STX8: variants seen among roughly 807,000 people sequenced by gnomAD.
The protein encoded by STX8 is syntaxin-8.
Under a neutral mutation model 37.5 loss-of-function variants are expected in STX8, and 23 were observed. The ratio of observed to expected loss-of-function variants is 0.61; its 90% CI spans 0.44 to 0.87. The LOEUF (loss-of-function observed/expected upper bound fraction) is 0.87. Ranked by LOEUF, STX8 falls within the 40% of genes least tolerant of loss-of-function variation. The pLI is 0.00. For missense variants in STX8, 313 were observed against 284.7 expected (o/e 1.10, Z -0.71); for synonymous variants, 115 against 99.1 (o/e 1.16, Z -0.95).
At chr17:9,523,569 C>A (rs780539584) in intron 4 of STX8, among the ~76,000 whole-genome samples, 1 of 152,142 alleles carries the variant, frequency 6.6e-6, no homozygotes, top group African/African-American at 2.4e-5. Flanking sequence ...TATGATAAAT[C>A]CGTTGAGTGT....
chr17:9,391,892 T>C (rs1441050152), intron 6 of STX8, among the ~76,000 whole-genome samples: 2 of 152,116 alleles, frequency 1.3e-5, no homozygotes, highest in Non-Finnish European at 2.9e-5. Flanking sequence ...CTTAAAGTTG[T>C]TCATGAAGTC....
chr17:9,570,514 A>T (rs2151919654), intron 1 of STX8, among the ~76,000 whole-genome samples: 1 of 152,148 alleles, frequency 6.6e-6, no homozygotes, highest in African/African-American at 2.4e-5. Flanking sequence ...ATATATTCGT[A>T]TATGTCACAT....
intron 4 of STX8, among the ~76,000 whole-genome samples, chr17:9,510,410 T>C: frequency 6.6e-6 from 1 of 152,146 alleles, no homozygotes; most frequent in South Asian, 2.1e-4. Flanking sequence ...TTTTAGAAAT[T>C]GAAATCATAC....
intron 7 of STX8, among the ~76,000 whole-genome samples, chr17:9,293,413 A>C (rs1908390760): frequency 6.6e-6 from 1 of 152,092 alleles, no homozygotes; most frequent in African/African-American, 2.4e-5. Context: ...TGGGGAAGTC[A>C]TCCCCTACCT....
At chr17:9,403,715 C>T (rs1341170981) in intron 6 of STX8, among the ~76,000 whole-genome samples, 1 of 151,908 alleles carries the variant, frequency 6.6e-6, no homozygotes, top group Non-Finnish European at 1.5e-5. Context: ...GGCACGATCT[C>T]GGCTCACTGC....
chr17:9,379,555 C>T (rs1310314837), intron 6 of STX8, among the ~76,000 whole-genome samples: 1 of 152,164 alleles, frequency 6.6e-6, no homozygotes, highest in East Asian at 1.9e-4. Flanking sequence ...CGCAACGAGG[C>T]ATATCGAGCA....
intron 7 of STX8, among the ~76,000 whole-genome samples, chr17:9,358,376 C>A (rs1910951305): frequency 6.6e-6 from 1 of 152,064 alleles, no homozygotes; most frequent in South Asian, 2.1e-4. Flanking sequence ...AAAAAAAGGT[C>A]TTCAATTTTG....
chr17:9,467,774 C>A (rs1275237492), intron 6 of STX8, among the ~76,000 whole-genome samples: 1 of 152,160 alleles, frequency 6.6e-6, no homozygotes, highest in Non-Finnish European at 1.5e-5. Context: ...GGCAGGGGAC[C>A]AAGGTTGCCT....
chr17:9,544,424 T>G (rs1480786371), intron 4 of STX8, among the ~76,000 whole-genome samples: 1 of 151,862 alleles, frequency 6.6e-6, no homozygotes, highest in African/African-American at 2.4e-5. Flanking sequence ...TGGCGAAGAA[T>G]GGGGAGGAGG....
At position 9,352,533 on chromosome 17, in the gene STX8, T is replaced by G. The variant is rs971379075; in HGVS notation, c.643+26019A>C. 1.7e-4 allele frequency among the ~76,000 whole-genome samples: 24 copies of G among 138,318 alleles called. No homozygotes were observed. The Admixed American group carries it at 1.9e-3, about 11-fold the overall frequency. The allele number at this position is 138,318 out of a possible 152,430, so 90.7% of individuals were successfully genotyped here. A position where few individuals can be genotyped will look rare whatever the true frequency, so the allele number is the denominator to read the frequency against. On this transcript the variant is annotated intron_variant, in intron 7 of 7. Coordinates refer to ENST00000306357, the MANE Select transcript of STX8 (RefSeq NM_004853.3). ...CCCAGGCGGGAGTGCAGTGGCGCAATCTCGGCTCACTGCAAGCTCCGCCTC... is the reference window on the plus strand; with the variant it reads ...CCCAGGCGGGAGTGCAGTGGCGCAAGCTCGGCTCACTGCAAGCTCCGCCTC...
intron 2 of STX8, among the ~76,000 whole-genome samples, chr17:9,560,765 G>T (rs1907203081): frequency 6.7e-6 from 1 of 149,208 alleles, no homozygotes. Flanking sequence ...TTTTTTAAAT[G>T]AAGTTTTAGA....
chr17:9,271,733 A>T (rs1907469645), intron 7 of STX8, among the ~76,000 whole-genome samples: 1 of 147,878 alleles, frequency 6.8e-6, no homozygotes, highest in South Asian at 2.2e-4. Flanking sequence ...CTGGCTATAG[A>T]GCAAGACTCC....
At chr17:9,538,412 T>C (rs1906146346) in intron 4 of STX8, among the ~76,000 whole-genome samples, 2 of 152,224 alleles carry the variant, frequency 1.3e-5, no homozygotes, top group African/African-American at 4.8e-5. Flanking sequence ...ATCATCCTTC[T>C]TGTAAATCAA....
At chr17:9,326,431 G>A (rs1053489692) in intron 7 of STX8, among the ~76,000 whole-genome samples, 5 of 152,086 alleles carry the variant, frequency 3.3e-5, no homozygotes, top group Non-Finnish European at 5.9e-5. Context: ...TTCCTTCCCT[G>A]TTTTCTAGCC....
chr17:9,278,845 C>T (rs1446955302), intron 7 of STX8, among the ~76,000 whole-genome samples: 1 of 151,844 alleles, frequency 6.6e-6, no homozygotes, highest in Non-Finnish European at 1.5e-5. Flanking sequence ...AAGACTTGGG[C>T]CCAGAGCTGC....
chr17:9,318,179 T>G (rs528232121), intron 7 of STX8, among the ~76,000 whole-genome samples: 1 of 152,204 alleles, frequency 6.6e-6, no homozygotes, highest in African/African-American at 2.4e-5. Context: ...CGTGCAGGTA[T>G]GTTACATAGG....
Position 9,340,016 on chromosome 17 carries a change from GA to G in STX8, c.643+38535del, listed in dbSNP as rs566070590. Among the ~76,000 whole-genome samples the G allele has an allele frequency of 3.5e-4, 53 of 152,324 alleles. 1 individual carries two copies. In the East Asian group the frequency reaches 9.2e-3, roughly 27 times the overall value. ...AACTTGAAGGTAGGACTCTAAGGCTGACGCAACCGCGGGATCCTCCCATAGC... is the reference window on the plus strand; with the variant it reads ...AACTTGAAGGTAGGACTCTAAGGCTGCGCAACCGCGGGATCCTCCCATAGC... On this transcript the variant is annotated intron_variant, in intron 7 of 7. Transcript: ENST00000306357.
At chr17:9,458,368 G>A (rs376071986) in intron 6 of STX8, among the ~76,000 whole-genome samples, 1 of 152,196 alleles carries the variant, frequency 6.6e-6, no homozygotes, top group African/African-American at 2.4e-5. Context: ...CCAGGATGGT[G>A]TCGATCTCCT....
rs1389026401 is a variant in STX8, at chr17:9,557,662, C to G, written c.118-134G>C. 5.5e-6 allele frequency: 4 copies of G among 728,434 alleles called. No individual in the cohort carries two copies. In the African/African-American group the frequency reaches 7.0e-5, roughly 13 times the overall value. The allele number at this position is 728,434 out of a possible 1,614,324, so 45.1% of individuals were successfully genotyped here. A position where few individuals can be genotyped will look rare whatever the true frequency, so the allele number is the denominator to read the frequency against. ...TGGAAGAGATAGATACTCAGCCCCT[C>G]ACGACAAACTCAGGGCTGGAAGGAG... On this transcript the variant is annotated intron_variant, in intron 2 of 7. Coordinates refer to ENST00000306357, the MANE Select transcript of STX8 (RefSeq NM_004853.3).
Sources: allele counts gnomAD v4.1 joint callset (sites outside exome capture counted in the v4.1 genomes callset), GRCh38; gene constraint gnomAD v4.1.1; transcripts MANE v1.5; gene names NCBI Gene and HGNC (gene_info 2026-07-23, HGNC 2026-07-21).